DLC1: variants seen among roughly 807,000 people sequenced by gnomAD.
The protein encoded by DLC1 is DLC1 Rho GTPase activating protein, also known as rho GTPase-activating protein 7.
A neutral mutation model predicts 140.3 loss-of-function variants in DLC1; 54 were observed. That is an observed-to-expected ratio of 0.38 (90% CI 0.31 to 0.48). The LOEUF is 0.48. Among genes scored for constraint, DLC1 ranks in the 20% least tolerant of loss-of-function variants. The probability of loss-of-function intolerance (pLI) is 0.96; values close to 1 mark genes in which losing one functional copy is unlikely to be tolerated. For synonymous variants in DLC1, 986 were observed against 728.1 expected (o/e 1.35, Z -5.70); for missense variants, 2,536 against 1,907.0 (o/e 1.33, Z -6.14).
At chr8:13,274,812 T>C (rs997148882) in intron 5 of DLC1, among the ~76,000 whole-genome samples, 2 of 120,990 alleles carry the variant, frequency 1.7e-5, no homozygotes, top group African/African-American at 2.9e-5. Flanking sequence ...TAAGATATTA[T>C]TTATAGAATC....
chr8:13,431,703 CA>C, intron 2 of DLC1, among the ~76,000 whole-genome samples: 1 of 151,494 alleles, frequency 6.6e-6, no homozygotes. Context: ...TAATTGTGGT[CA>C]GGGGGATACG....
chr8:13,486,632 G>T (rs1207026296), intron 2 of DLC1, among the ~76,000 whole-genome samples: 1 of 152,072 alleles, frequency 6.6e-6, no homozygotes, highest in Non-Finnish European at 1.5e-5. Context: ...CAAATGAAAT[G>T]CAAGGGTATT....
At chr8:13,423,912 C>G (rs151314673) in intron 2 of DLC1, among the ~76,000 whole-genome samples, 1 of 151,984 alleles carries the variant, frequency 6.6e-6, no homozygotes, top group Non-Finnish European at 1.5e-5. Flanking sequence ...AAGGCCCATC[C>G]GAGGGGAAAA....
At chr8:13,158,885 C>G (rs982821288) in intron 5 of DLC1, among the ~76,000 whole-genome samples, 4 of 152,038 alleles carry the variant, frequency 2.6e-5, no homozygotes. Context: ...CTGGTACACC[C>G]AACAGACATA....
At chr8:13,214,423 C>A in intron 5 of DLC1, 2 of 489,566 alleles carry the variant, frequency 4.1e-6, no homozygotes, top group East Asian at 3.3e-5. Flanking sequence ...GTCTGAAGGA[C>A]CTTGCAGCTT....
intron 5 of DLC1, among the ~76,000 whole-genome samples, chr8:13,147,671 T>A (rs564760669): frequency 2.2e-4 from 34 of 152,082 alleles, no homozygotes; most frequent in Middle Eastern, 3.4e-3. Context: ...TTATTATTAT[T>A]ATTTTTTTTT....
Position 13,092,752 on chromosome 8 carries a change from A to G in DLC1, c.3600T>C (p.Val1200=), listed in dbSNP as rs1347992733. ...TCAGGAAATAAAGCAGGGTCTGCAG[A>G]ACCTCCCGGTTCTCGTCAGGCAGCA... is the stretch of plus-strand genomic sequence containing the variant. ...IMLLPDENRE[V]LQTLLYFLSD... The change falls in exon 13 of 18, where the codon GTT becomes GTC. Residue 1200 remains valine, a synonymous_variant. Transcript: ENST00000276297. 6.2e-7 allele frequency: 1 copy of G among 1,614,166 alleles called. No individual in the cohort carries two copies. Among genetic ancestry groups the G allele is most frequent in the East Asian group, 2.2e-5 (1 of 44,880 alleles).
chr8:13,469,242 A>T (rs1393689608), intron 2 of DLC1, among the ~76,000 whole-genome samples: 1 of 152,224 alleles, frequency 6.6e-6, no homozygotes, highest in African/African-American at 2.4e-5. Flanking sequence ...ATAAAGCTCT[A>T]AATTTTTCTG....
chr8:13,265,292 C>T (rs1483496029), intron 5 of DLC1, among the ~76,000 whole-genome samples: 2 of 152,120 alleles, frequency 1.3e-5, no homozygotes, highest in Non-Finnish European at 2.9e-5. Flanking sequence ...ACAAATTATA[C>T]ATTATGAGCT....
chr8:13,312,251 C>T (rs10105960), intron 4 of DLC1, among the ~76,000 whole-genome samples: 1 of 130,992 alleles, frequency 7.6e-6, no homozygotes, highest in East Asian at 2.2e-4. Context: ...GTCCCAGCTA[C>T]TCGGGAGGCT....
intron 4 of DLC1, among the ~76,000 whole-genome samples, chr8:13,371,639 C>T (rs1388353670): frequency 4.0e-5 from 6 of 151,368 alleles, no homozygotes; most frequent in Non-Finnish European, 1.5e-5. Flanking sequence ...CAGGAAAGAT[C>T]CATCTGTCCT....
intron 4 of DLC1, among the ~76,000 whole-genome samples, chr8:13,390,024 T>G (rs1010557240): frequency 6.6e-6 from 1 of 152,210 alleles, no homozygotes. Context: ...GTATCTAGAC[T>G]GTTATTACAT....
At position 13,297,284 on chromosome 8, in the gene DLC1, A is replaced by AAAAAAAAAAAAAAAAAAAAAAAAAAC. The variant is rs1563233197; in HGVS notation, c.1348+7984_1348+7985insGTTTTTTTTTTTTTTTTTTTTTTTTT. ...GGCAAGCAGAGGCCTTCATACATTA[A>AAAAAAAAAAAAAAAAAAAAAAAAAAC]AAAAAAAAAAAACTGAAGCAAGTAT... is the stretch of plus-strand genomic sequence containing the variant. On this transcript the variant is annotated intron_variant, in intron 5 of 17. Coordinates refer to ENST00000276297, the MANE Select transcript of DLC1 (RefSeq NM_182643.3). 3.6e-5 allele frequency among the ~76,000 whole-genome samples: 5 copies of AAAAAAAAAAAAAAAAAAAAAAAAAAC among 139,714 alleles called. 1 individual carries two copies. Among genetic ancestry groups the AAAAAAAAAAAAAAAAAAAAAAAAAAC allele is most frequent in the Non-Finnish European group, 6.2e-5 (4 of 64,454 alleles). The allele number at this position is 139,714 out of a possible 152,430, so 91.7% of individuals were successfully genotyped here.
intron 3 of DLC1, among the ~76,000 whole-genome samples, chr8:13,395,034 C>CATCT (rs1454060502): frequency 8.5e-6 from 1 of 117,400 alleles, no homozygotes; most frequent in African/African-American, 2.8e-5. Context: ...ATCTATCTAT[C>CATCT]ATCTATCTAT....
intron 4 of DLC1, among the ~76,000 whole-genome samples, chr8:13,376,939 T>C (rs944905196): frequency 6.6e-6 from 1 of 152,120 alleles, no homozygotes; most frequent in African/African-American, 2.4e-5. Flanking sequence ...GTCAGCAGAT[T>C]GTAAATATAA....
At chr8:13,131,680 A>C (rs560276412) in intron 5 of DLC1, among the ~76,000 whole-genome samples, 1 of 152,268 alleles carries the variant, frequency 6.6e-6, no homozygotes, top group South Asian at 2.1e-4. Context: ...GCAACCTGCT[A>C]ATCACTTTAC....
intron 1 of DLC1, among the ~76,000 whole-genome samples, chr8:13,597,423 T>C (rs1344089162): frequency 1.3e-5 from 2 of 152,110 alleles, no homozygotes; most frequent in Non-Finnish European, 2.9e-5. Flanking sequence ...TTAGTTCTAA[T>C]AGCATGTTAA....
At chr8:13,209,289 G>T (rs545287849) in intron 5 of DLC1, among the ~76,000 whole-genome samples, 1 of 152,168 alleles carries the variant, frequency 6.6e-6, no homozygotes, top group South Asian at 2.1e-4. Flanking sequence ...ATTTTTGAGA[G>T]TCCATGCAAT....
chr8:13,455,528 G>A (rs919971019), intron 2 of DLC1, among the ~76,000 whole-genome samples: 2 of 152,028 alleles, frequency 1.3e-5, no homozygotes, highest in South Asian at 4.2e-4. Context: ...CAAGCTATTC[G>A]GGAAGACTCT....
Sources: allele counts gnomAD v4.1 joint callset (sites outside exome capture counted in the v4.1 genomes callset), GRCh38; gene constraint gnomAD v4.1.1; transcripts MANE v1.5; gene names NCBI Gene and HGNC (gene_info 2026-07-23, HGNC 2026-07-21).